DIP2C: variants seen among roughly 807,000 people sequenced by gnomAD.
DIP2C encodes DIP2 acetate--CoA ligase C (putative).
In DIP2C, 33 loss-of-function variants were observed where a neutral mutation model predicts 192.4. The observed-to-expected ratio is 0.17, with a 90% confidence interval of 0.13 to 0.23. The LOEUF is 0.23. DIP2C is among the 10% of genes least tolerant of loss of function. The pLI, the probability that DIP2C is intolerant of heterozygous loss-of-function variation, is 1.00. For missense variants in DIP2C, 1,537 were observed against 2,110.1 expected, an observed-to-expected ratio of 0.73 and a Z score of 5.32; for synonymous variants, 979 against 864.1, an observed-to-expected ratio of 1.13 and a Z score of -2.33.
At chr10:476,636 G>C (rs532996792) in intron 2 of DIP2C, among the ~76,000 whole-genome samples, 6 of 152,256 alleles carry the variant, frequency 3.9e-5, no homozygotes, top group African/African-American at 1.4e-4. Context: ...CTTTTCATTT[G>C]CAATGGGGGC....
intron 32 of DIP2C, among the ~76,000 whole-genome samples, chr10:300,449 T>C (rs1382576362): frequency 6.6e-6 from 1 of 152,106 alleles, no homozygotes; most frequent in African/African-American, 2.4e-5. Flanking sequence ...AGTAGTCAAA[T>C]TCATAGACAA....
chr10:604,061 C>G (rs1303693358), intron 1 of DIP2C, among the ~76,000 whole-genome samples: 1 of 149,926 alleles, frequency 6.7e-6, no homozygotes, highest in African/African-American at 2.5e-5. Flanking sequence ...CCTCTGGCCT[C>G]TACCTCATCC....
At chr10:436,243 G>GAT (rs1967184498) in intron 4 of DIP2C, among the ~76,000 whole-genome samples, 2 of 152,220 alleles carry the variant, frequency 1.3e-5, no homozygotes, top group African/African-American at 4.8e-5. Context: ...TGTATGCAGT[G>GAT]ATTGTTTGCT....
intron 1 of DIP2C, among the ~76,000 whole-genome samples, chr10:680,103 C>T (rs1831077975): frequency 6.6e-6 from 1 of 152,208 alleles, no homozygotes; most frequent in Admixed American, 6.5e-5. Context: ...GTCCCACAGC[C>T]ACCAGGAGGA....
chr10:470,772 G>C (rs568412620), intron 3 of DIP2C, among the ~76,000 whole-genome samples: 1 of 152,196 alleles, frequency 6.6e-6, no homozygotes, highest in South Asian at 2.1e-4. Flanking sequence ...ATCCTCCTGC[G>C]AGGAGCGACC....
At chr10:331,443 G>A (rs1487800727) in intron 29 of DIP2C, among the ~76,000 whole-genome samples, 1 of 152,092 alleles carries the variant, frequency 6.6e-6, no homozygotes, top group Non-Finnish European at 1.5e-5. Context: ...CTGTGTCTGT[G>A]GGTTCCTCAC....
rs201520796 is a variant in DIP2C at position 366,323 on chromosome 10, C to T, written c.2220G>A (p.Thr740=). 14 of 1,613,812 alleles carry T rather than the reference C, an allele frequency of 8.7e-6. No homozygotes were observed. The highest frequency in any genetic ancestry group is 1.6e-4 in the Middle Eastern group (1 of 6,084). ...IGELCVCAVA[T]GTSYYGLSGM... ...CAGAGAGGCCATAGTAGGACGTGCC[C>T]GTCGCAACTGCACACACACACAGCT... Residue 740 remains threonine (T), a synonymous_variant, in exon 19 of 37, where the codon ACG becomes ACA. Transcript: ENST00000280886.
intron 3 of DIP2C, among the ~76,000 whole-genome samples, chr10:448,612 C>G (rs1000404382): frequency 7.6e-6 from 1 of 132,064 alleles, no homozygotes; most frequent in Non-Finnish European, 1.6e-5. Flanking sequence ...GCAGGACCCA[C>G]TCACTCCCGT....
At chr10:593,483 G>A (rs965289069) in intron 1 of DIP2C, among the ~76,000 whole-genome samples, 1 of 89,234 alleles carries the variant, frequency 1.1e-5, no homozygotes, top group African/African-American at 4.1e-5. Context: ...TGCCCACGCG[G>A]GACCCCCCCC....
In DIP2C at chr10:650,948, T is replaced by C. The variant is rs542006019; in HGVS notation, c.85+38546A>G. 12 of 717,478 alleles carry C rather than the reference T, an allele frequency of 1.7e-5. No homozygotes were observed. In the East Asian group the frequency reaches 2.9e-4, roughly 18 times the overall value. The allele number at this position is 717,478 out of a possible 1,614,324, so 44.4% of individuals were successfully genotyped here. On this transcript the variant is annotated intron_variant, in intron 1 of 36. Transcript: ENST00000280886. Reference sequence around the variant, plus strand: ...GCAGGACCCCGAGGCTACACAGCTCTGGCTGTTTCTCTTCCAAAGCCGGCA... The same window carrying C: ...GCAGGACCCCGAGGCTACACAGCTCCGGCTGTTTCTCTTCCAAAGCCGGCA...
intron 8 of DIP2C, among the ~76,000 whole-genome samples, chr10:409,589 G>T (rs1965047952): frequency 6.6e-6 from 1 of 152,282 alleles, no homozygotes; most frequent in African/African-American, 2.4e-5. Context: ...GGGGAAGGTT[G>T]TAGGGAGGAA....
chr10:577,840 C>A (rs143563364), intron 1 of DIP2C, among the ~76,000 whole-genome samples: 1 of 149,098 alleles, frequency 6.7e-6, no homozygotes, highest in Non-Finnish European at 1.5e-5. Flanking sequence ...TTTTTTTAAC[C>A]ACAAAAGAAG....
At chr10:546,954 C>G (rs1176525633) in intron 1 of DIP2C, among the ~76,000 whole-genome samples, 1 of 152,152 alleles carries the variant, frequency 6.6e-6, no homozygotes, top group Non-Finnish European at 1.5e-5. Context: ...TTTTTCAGGC[C>G]ACACCTGCAA....
intron 1 of DIP2C, among the ~76,000 whole-genome samples, chr10:573,631 A>T (rs1849961094): frequency 6.6e-6 from 1 of 152,082 alleles, no homozygotes; most frequent in African/African-American, 2.4e-5. Flanking sequence ...GCTGGTCTCA[A>T]GCTCCCAGGC....
At chr10:383,157 T>C (rs1205053170) in intron 16 of DIP2C, among the ~76,000 whole-genome samples, 1 of 152,200 alleles carries the variant, frequency 6.6e-6, no homozygotes, top group African/African-American at 2.4e-5. Flanking sequence ...CTAAACTATC[T>C]CCAAATATAG....
At chr10:477,030 C>T (rs1007639321) in intron 2 of DIP2C, among the ~76,000 whole-genome samples, 3 of 147,540 alleles carry the variant, frequency 2.0e-5, no homozygotes, top group Non-Finnish European at 4.5e-5. Context: ...ATCCAAACGT[C>T]AGTGACATTT....
intron 10 of DIP2C, among the ~76,000 whole-genome samples, chr10:398,502 C>A (rs145770519): frequency 6.6e-6 from 1 of 152,166 alleles, no homozygotes; most frequent in South Asian, 2.1e-4. Context: ...CTAAAATGTA[C>A]GAACCCAAAA....
chr10:515,339 T>C (rs1846281661), intron 1 of DIP2C, among the ~76,000 whole-genome samples: 1 of 152,258 alleles, frequency 6.6e-6, no homozygotes, highest in African/African-American at 2.4e-5. Context: ...GTTATTTACC[T>C]AGCTGAAGTA....
chr10:591,422 G>A (rs539790012), intron 1 of DIP2C, among the ~76,000 whole-genome samples: 3 of 152,224 alleles, frequency 2.0e-5, no homozygotes, highest in East Asian at 3.9e-4. Flanking sequence ...ACCATGCCCT[G>A]CCATTACTGG....
Sources: allele counts gnomAD v4.1 joint callset (sites outside exome capture counted in the v4.1 genomes callset), GRCh38; gene constraint gnomAD v4.1.1; transcripts MANE v1.5; gene names NCBI Gene and HGNC (gene_info 2026-07-23, HGNC 2026-07-21).